Variants in NPAS3 observed in about 807,000 individuals in gnomAD.
NPAS3 encodes neuronal PAS domain protein 3.
NPAS3 carries 14 observed loss-of-function variants against 73.1 expected under a neutral mutation model. The ratio of observed to expected loss-of-function variants is 0.19; its 90% CI spans 0.13 to 0.30. NPAS3 has a LOEUF of 0.30. Among genes scored for constraint, NPAS3 ranks in the 10% least tolerant of loss-of-function variants. NPAS3 has a pLI of 1.00. For missense variants in NPAS3, 1,096 were observed against 1,250.0 expected (o/e 0.88, Z 1.86); for synonymous variants, 620 against 541.5 (o/e 1.14, Z -2.01).
Position 33,112,537 on chromosome 14 carries a change from T to C in NPAS3, c.140+56543T>C, listed in dbSNP as rs141098971. On this transcript the variant is annotated intron_variant, in intron 2 of 11. Transcript: ENST00000356141. ...GGGTTGTTTTTTTCTTGTAAATCTG[T>C]TTGAGTTCATTGTAGATTCTGGATA... 1.2e-3 allele frequency among the ~76,000 whole-genome samples: 178 copies of C among 152,200 alleles called. 4 individuals carry two copies. In the East Asian group the frequency reaches 0.03, roughly 26 times the overall value.
chr14:33,113,360 G>A (rs2042958251), intron 2 of NPAS3, among the ~76,000 whole-genome samples: 1 of 152,152 alleles, frequency 6.6e-6, no homozygotes, highest in African/African-American at 2.4e-5. Flanking sequence ...GTGGTTTGTA[G>A]TTCTCCTTGA....
At chr14:33,804,045 A>G, downstream of NPAS3, 1 of 152,120 alleles carries the variant, frequency 6.6e-6, no homozygotes, top group Admixed American at 6.5e-5. Context: ...TACATACTTC[A>G]TTTACAACAG....
At chr14:33,386,722 TATTAA>T (rs1181315924) in intron 4 of NPAS3, among the ~76,000 whole-genome samples, 10 of 152,196 alleles carry the variant, frequency 6.6e-5, no homozygotes, top group Non-Finnish European at 1.5e-4. Flanking sequence ...AATAGATTTC[TATTAA>T]ATTATAAAAA....
intron 6 of NPAS3, among the ~76,000 whole-genome samples, chr14:33,724,745 C>A (rs2140567984): frequency 6.6e-6 from 1 of 150,752 alleles, no homozygotes; most frequent in African/African-American, 2.4e-5. Context: ...TTAATGTTTT[C>A]TCTCAAAAAA....
At position 33,639,028 on chromosome 14, in the gene NPAS3, G is replaced by A. The variant is rs904811741; in HGVS notation, c.559-37183G>A. On this transcript the variant is annotated intron_variant, in intron 5 of 11. Transcript: ENST00000356141. ...TGTTCTACTCAGACTTGTGTCCAAG[G>A]CCCATCTAATGTAATACATCACAAA... Among the ~76,000 whole-genome samples, 8 of 152,162 alleles carry A rather than the reference G, an allele frequency of 5.3e-5. No individual in the cohort carries two copies. In the East Asian group the frequency reaches 7.7e-4, roughly 15 times the overall value.
At chr14:33,612,639 T>C in intron 5 of NPAS3, 1 of 373,028 alleles carries the variant, frequency 2.7e-6, no homozygotes. Context: ...GGAGGACTTT[T>C]AAAGTGTGGT....
intron 3 of NPAS3, among the ~76,000 whole-genome samples, chr14:33,352,087 C>A (rs537362496): frequency 4.6e-5 from 7 of 152,182 alleles, no homozygotes; most frequent in African/African-American, 1.4e-4. Flanking sequence ...CAAATGACTC[C>A]AAGAATACAC....
At chr14:33,358,279 A>G (rs961551669) in intron 3 of NPAS3, among the ~76,000 whole-genome samples, 3 of 152,160 alleles carry the variant, frequency 2.0e-5, no homozygotes, top group Non-Finnish European at 2.9e-5. Flanking sequence ...GGGTTTTCAG[A>G]CAGTGCCAAA....
At chr14:33,197,094 T>A (rs2046384210) in intron 2 of NPAS3, among the ~76,000 whole-genome samples, 1 of 152,226 alleles carries the variant, frequency 6.6e-6, no homozygotes, top group Non-Finnish European at 1.5e-5. Context: ...CTCTTTGCCC[T>A]TATGGATTTT....
chr14:33,045,405 A>G (rs2040476190), intron 1 of NPAS3, among the ~76,000 whole-genome samples: 1 of 152,156 alleles, frequency 6.6e-6, no homozygotes, highest in Non-Finnish European at 1.5e-5. Context: ...TATCCTTCCG[A>G]TTAGTCTTTC....
chr14:33,799,154 TAATAAATAATAAA>T (rs905303422), intron 11 of NPAS3, among the ~76,000 whole-genome samples: 1 of 151,612 alleles, frequency 6.6e-6, no homozygotes, highest in African/African-American at 2.4e-5. Flanking sequence ...AAAATAATAA[TAATAAATAATAAA>T]AATAAAGATA....
chr14:33,500,385 G>A (rs1020797076), intron 4 of NPAS3, among the ~76,000 whole-genome samples: 12 of 151,878 alleles, frequency 7.9e-5, no homozygotes, highest in Non-Finnish European at 1.6e-4. Flanking sequence ...GAAAAGATAA[G>A]GGGAACAAGG....
At chr14:33,051,785 A>T (rs913609188) in intron 1 of NPAS3, among the ~76,000 whole-genome samples, 16 of 152,146 alleles carry the variant, frequency 1.1e-4, no homozygotes, top group African/African-American at 3.9e-4. Flanking sequence ...TGTGAGATGG[A>T]GTCTTGCTCT....
intron 4 of NPAS3, among the ~76,000 whole-genome samples, chr14:33,456,125 A>C (rs1292243443): frequency 1.3e-5 from 2 of 152,188 alleles, no homozygotes; most frequent in African/African-American, 2.4e-5. Flanking sequence ...GGGTTTAGGA[A>C]GGTTAAATCT....
At chr14:33,791,242 G>A (rs372393391) in intron 9 of NPAS3, among the ~76,000 whole-genome samples, 2 of 152,284 alleles carry the variant, frequency 1.3e-5, no homozygotes, top group South Asian at 4.1e-4. Context: ...GGGCTATCAC[G>A]TGGCTCCCCG....
At chr14:33,515,472 C>A (rs1236525260) in intron 4 of NPAS3, among the ~76,000 whole-genome samples, 1 of 152,112 alleles carries the variant, frequency 6.6e-6, no homozygotes, top group Non-Finnish European at 1.5e-5. Flanking sequence ...CCAGCCAAAT[C>A]TGGCCTGCTG....
intron 2 of NPAS3, among the ~76,000 whole-genome samples, chr14:33,146,125 G>C (rs931314907): frequency 6.6e-6 from 1 of 152,102 alleles, no homozygotes; most frequent in African/African-American, 2.4e-5. Flanking sequence ...AATAATAAGG[G>C]AAGATGGGAA....
chr14:33,434,275 C>T lies in NPAS3; in HGVS notation c.468+67007C>T, dbSNP rs189090247. On this transcript the variant is annotated intron_variant, in intron 4 of 11. Coordinates refer to ENST00000356141, the Ensembl canonical transcript of NPAS3. ...GGTGTGGTGGCTCACACCTGTAATCCCAGCACTTTGGGAGGCCAAGGCAGG... is the reference window on the plus strand; with the variant it reads ...GGTGTGGTGGCTCACACCTGTAATCTCAGCACTTTGGGAGGCCAAGGCAGG... Among the ~76,000 whole-genome samples the T allele has an allele frequency of 1.8e-3, 281 of 152,114 alleles. 3 individuals carry two copies. The highest frequency in any genetic ancestry group is 6.5e-3 in the African/African-American group (269 of 41,496).
chr14:33,041,986 A>G (rs941960342), intron 1 of NPAS3, among the ~76,000 whole-genome samples: 14 of 152,154 alleles, frequency 9.2e-5, no homozygotes, highest in African/African-American at 2.9e-4. Context: ...GAACTCAGAT[A>G]AGACAAATAT....
Sources: allele counts gnomAD v4.1 joint callset (sites outside exome capture counted in the v4.1 genomes callset), GRCh38; gene constraint gnomAD v4.1.1; transcripts MANE v1.5; gene names NCBI Gene and HGNC (gene_info 2026-07-23, HGNC 2026-07-21).